Variants in EEA1 observed in about 807,000 individuals in gnomAD.
EEA1 encodes the protein early endosome antigen 1, 162kD.
A neutral mutation model predicts 209.2 loss-of-function variants in EEA1; 111 were observed. The ratio of observed to expected loss-of-function variants is 0.53; its 90% CI spans 0.45 to 0.62. The LOEUF is 0.62. Among genes scored for constraint, EEA1 ranks in the 20% least tolerant of loss-of-function variants. The pLI, the probability that EEA1 is intolerant of heterozygous loss-of-function variation, is 0.00. For missense variants in EEA1, 1,343 were observed against 1,530.8 expected (o/e 0.88, Z 2.05); for synonymous variants, 536 against 540.6 (o/e 0.99, Z 0.12).
At chr12:92,797,122 CTG>C (rs929308741) in intron 21 of EEA1, among the ~76,000 whole-genome samples, 1 of 152,186 alleles carries the variant, frequency 6.6e-6, no homozygotes, top group Non-Finnish European at 1.5e-5. Flanking sequence ...GAGTCTCACT[CTG>C]TTGCCCAAGC....
intron 13 of EEA1, among the ~76,000 whole-genome samples, chr12:92,821,796 A>G (rs1287693494): frequency 1.3e-5 from 2 of 150,960 alleles, no homozygotes; most frequent in East Asian, 3.9e-4. Flanking sequence ...TTATTTTCCA[A>G]AAATAATTTT....
chr12:92,818,241 C>G (rs896896145), intron 14 of EEA1, among the ~76,000 whole-genome samples: 6 of 152,114 alleles, frequency 3.9e-5, no homozygotes, highest in Non-Finnish European at 5.9e-5. Context: ...ATAAGACCAC[C>G]AGGCTTTCCT....
At chr12:92,858,936 A>T in intron 3 of EEA1, 1 of 704,654 alleles carries the variant, frequency 1.4e-6, no homozygotes. Flanking sequence ...GGTGCCTTTG[A>T]GGAAAGGATT....
At chr12:92,863,698 A>C (rs1878247399) in intron 3 of EEA1, among the ~76,000 whole-genome samples, 1 of 152,264 alleles carries the variant, frequency 6.6e-6, no homozygotes, top group South Asian at 2.1e-4. Context: ...ATAGATAATC[A>C]AAACAGAGGT....
chr12:92,808,707 T>C (rs1875336294), intron 18 of EEA1, among the ~76,000 whole-genome samples: 1 of 152,144 alleles, frequency 6.6e-6, no homozygotes, highest in South Asian at 2.1e-4. Flanking sequence ...TTTACAGTAA[T>C]TTATTCAAAT....
In EEA1 at chr12:92,877,937, T is replaced by C. The variant is rs1196615849; in HGVS notation, c.118-12950A>G. ...TTTTTTCTTTTCTTGCTGGGAAGCA[T>C]AGCCTCCAGCAGAAGCTGGAAGCAG... On this transcript the variant is annotated intron_variant, in intron 2 of 28. Coordinates refer to ENST00000322349, the MANE Select transcript of EEA1 (RefSeq NM_003566.4). Among the ~76,000 whole-genome samples, 4 of 152,200 alleles carry C rather than the reference T, an allele frequency of 2.6e-5. No homozygotes were observed. In the East Asian group the frequency reaches 5.8e-4, roughly 22 times the overall value.
chr12:92,791,450 CA>C (rs1435921832), intron 21 of EEA1, among the ~76,000 whole-genome samples: 1 of 151,570 alleles, frequency 6.6e-6, no homozygotes, highest in South Asian at 2.1e-4. Context: ...AAATGGAAAG[CA>C]AAAAAACACC....
At chr12:92,910,202 T>C (rs1195662621) in intron 1 of EEA1, among the ~76,000 whole-genome samples, 1 of 150,948 alleles carries the variant, frequency 6.6e-6, no homozygotes, top group Non-Finnish European at 1.5e-5. Flanking sequence ...TCAGGCGCGG[T>C]GGCTCACACC....
chr12:92,885,845 G>A (rs374215275), intron 2 of EEA1, among the ~76,000 whole-genome samples: 20 of 152,092 alleles, frequency 1.3e-4, no homozygotes, highest in Non-Finnish European at 2.1e-4. Flanking sequence ...TTCAAGTGTC[G>A]GCTGTAATAA....
At chr12:92,886,340 G>C (rs1879381851) in intron 2 of EEA1, among the ~76,000 whole-genome samples, 1 of 130,658 alleles carries the variant, frequency 7.7e-6, no homozygotes, top group Non-Finnish European at 1.6e-5. Context: ...CTGCACTCCA[G>C]TCTGGGTGAC....
chr12:92,862,020 C>T lies in EEA1; in HGVS notation c.245+2840G>A, dbSNP rs187633518. Among the ~76,000 whole-genome samples the T allele has an allele frequency of 4.5e-4, 69 of 152,228 alleles. 1 individual carries two copies. The Middle Eastern group carries it at 0.02, about 45-fold the overall frequency. Reference sequence around the variant, plus strand: ...ATATTTGATTGATGTTGATGAAATTCGCATATAAGCTGATGAACAGAAGGC... The same window carrying T: ...ATATTTGATTGATGTTGATGAAATTTGCATATAAGCTGATGAACAGAAGGC... On this transcript the variant is annotated intron_variant, in intron 3 of 28. Coordinates refer to ENST00000322349, the MANE Select transcript of EEA1 (RefSeq NM_003566.4).
Position 92,775,862 on chromosome 12 carries a change from T to C in EEA1, c.*149A>G, listed in dbSNP as rs1369847928. Reference sequence around the variant, plus strand: ...ACAAAAATAGAAGAGTTTTACTTGATATCCATAACATTCCAAAATATACTA... The same window carrying C: ...ACAAAAATAGAAGAGTTTTACTTGACATCCATAACATTCCAAAATATACTA... On this transcript the variant is annotated 3_prime_UTR_variant, in exon 29 of 29. Transcript: ENST00000322349. 4.5e-6 allele frequency: 3 copies of C among 664,444 alleles called. No homozygotes were observed. The highest frequency in any genetic ancestry group is 4.4e-6 in the Non-Finnish European group (2 of 456,142). The allele number at this position is 664,444 out of a possible 1,614,324, so 41.2% of individuals were successfully genotyped here.
At chr12:92,821,606 C>G (rs1338014526) in intron 13 of EEA1, among the ~76,000 whole-genome samples, 1 of 152,060 alleles carries the variant, frequency 6.6e-6, no homozygotes, top group Admixed American at 6.6e-5. Flanking sequence ...AGTATATACT[C>G]AGAATTATCT....
At chr12:92,820,755 G>GTATATA (rs34228902) in intron 13 of EEA1, among the ~76,000 whole-genome samples, 39 of 147,766 alleles carry the variant, frequency 2.6e-4, no homozygotes, top group African/African-American at 9.7e-4. Flanking sequence ...AGAGCTTAAA[G>GTATATA]TATATATATA....
chr12:92,786,523 C>T (rs1011157411), intron 22 of EEA1, among the ~76,000 whole-genome samples: 20 of 152,180 alleles, frequency 1.3e-4, no homozygotes, highest in African/African-American at 4.6e-4. Flanking sequence ...AATTTCCTAT[C>T]TCTGTCAAAT....
intron 1 of EEA1, among the ~76,000 whole-genome samples, chr12:92,915,149 T>C (rs1436581822): frequency 6.6e-6 from 1 of 152,094 alleles, no homozygotes; most frequent in Non-Finnish European, 1.5e-5. Context: ...TACATCTCTC[T>C]ACACAAAAAA....
At chr12:92,848,495 A>T (rs1037070973) in intron 9 of EEA1, among the ~76,000 whole-genome samples, 2 of 151,970 alleles carry the variant, frequency 1.3e-5, no homozygotes, top group African/African-American at 2.4e-5. Context: ...AAACAAAAAA[A>T]CTCTAATCAT....
intron 14 of EEA1, among the ~76,000 whole-genome samples, chr12:92,818,068 T>G (rs1241781960): frequency 6.6e-6 from 1 of 152,214 alleles, no homozygotes; most frequent in Non-Finnish European, 1.5e-5. Context: ...GTACAAAACT[T>G]GGCATTGAAC....
Position 92,780,424 on chromosome 12 carries a change from GAT to G in EEA1, c.3337-15_3337-14del. On this transcript the variant is annotated splice_polypyrimidine_tract_variant and intron_variant, in intron 23 of 28. Coordinates refer to ENST00000322349, the MANE Select transcript of EEA1 (RefSeq NM_003566.4). Reference sequence around the variant, plus strand: ...TTTCTTTCAGTGACTGTAGAAAAATGATATATTTTAAAATTATTTTAAAGCAA... The same window carrying G: ...TTTCTTTCAGTGACTGTAGAAAAATGATATTTTAAAATTATTTTAAAGCAA... 1 of 1,456,638 alleles carries G rather than the reference GAT, an allele frequency of 6.9e-7. No homozygotes were observed. Among genetic ancestry groups the G allele is most frequent in the Non-Finnish European group, 9.3e-7 (1 of 1,080,020 alleles). 90.2% of individuals were successfully genotyped at this position (1,456,638 alleles called of 1,614,324 possible). A position where few individuals can be genotyped will look rare whatever the true frequency, so the allele number is the denominator to read the frequency against.
Sources: gnomAD v4.1 joint callset for allele counts (sites outside exome capture counted in the v4.1 genomes callset) on GRCh38, gnomAD v4.1.1 for gene constraint, MANE v1.5 for transcripts, NCBI Gene and HGNC (gene_info 2026-07-23, HGNC 2026-07-21) for gene names.